The following ZMYM1 variants were observed in gnomAD, a reference collection of about 807,000 sequenced individuals.
ZMYM1 encodes zinc finger MYM-type containing 1.
ZMYM1 carries 39 observed loss-of-function variants against 60.0 expected under a neutral mutation model. That is an observed-to-expected ratio of 0.65 (90% confidence interval 0.50 to 0.85). The LOEUF (loss-of-function observed/expected upper bound fraction) is 0.85, where lower values mean the gene tolerates loss of function less well. Ranked by LOEUF, ZMYM1 falls within the 40% of genes least tolerant of loss-of-function variation. The pLI is 0.00. For missense variants in ZMYM1, 1,171 were observed against 1,309.5 expected, an observed-to-expected ratio of 0.89 and a Z score of 1.63; for synonymous variants, 413 against 454.0, an observed-to-expected ratio of 0.91 and a Z score of 1.15.
Position 35,108,354 on chromosome 1 carries a change from T to C in ZMYM1, c.808-1940T>C, listed in dbSNP as rs1326984872. On this transcript the variant is annotated intron_variant, in intron 6 of 9. Transcript: ENST00000359858. ...GTACTTTGGTGGGTTTTGTTTTGTTTTGTTTTTGTTTTTTTGAGACACAGT... is the reference window on the plus strand; with the variant it reads ...GTACTTTGGTGGGTTTTGTTTTGTTCTGTTTTTGTTTTTTTGAGACACAGT... Among the ~76,000 whole-genome samples, 3 of 152,126 alleles carry C rather than the reference T, an allele frequency of 2.0e-5. No homozygotes were observed. The East Asian group carries it at 5.8e-4, about 29-fold the overall frequency.
chr1:35,110,283 T>C lies in ZMYM1; in HGVS notation c.808-11T>C. ...ACCAGGAATATGAATATTATTTTAATCTCTAAACAGAAACCTGCCAAACCA... is the reference window on the plus strand; with the variant it reads ...ACCAGGAATATGAATATTATTTTAACCTCTAAACAGAAACCTGCCAAACCA... On this transcript the variant is annotated splice_polypyrimidine_tract_variant and intron_variant, in intron 6 of 9. Coordinates refer to ENST00000359858, the MANE Select transcript of ZMYM1 (RefSeq NM_024772.5). The C allele has an allele frequency of 6.7e-7, 1 of 1,497,756 alleles. No individual in the cohort carries two copies. Among genetic ancestry groups the C allele is most frequent in the Non-Finnish European group, 8.9e-7 (1 of 1,127,524 alleles). 92.8% of individuals were successfully genotyped at this position (1,497,756 alleles called of 1,614,324 possible).
chr1:35,118,089 A>T (rs1271552524), downstream of ZMYM1, among the ~76,000 whole-genome samples: 3 of 151,910 alleles, frequency 2.0e-5, no homozygotes, highest in Non-Finnish European at 4.4e-5. Flanking sequence ...AATACAAAAA[A>T]AATGAGCCAG....
At chr1:35,068,247 C>T (rs757271879) in intron 1 of ZMYM1, among the ~76,000 whole-genome samples, 11 of 151,572 alleles carry the variant, frequency 7.3e-5, no homozygotes, top group South Asian at 2.1e-4. Flanking sequence ...GGCAAAACTC[C>T]GTCTCTACTA....
At chr1:35,086,889 TG>T (rs1285603682) in intron 1 of ZMYM1, among the ~76,000 whole-genome samples, 1 of 151,638 alleles carries the variant, frequency 6.6e-6, no homozygotes, top group African/African-American at 2.4e-5. Context: ...TTCACCATCT[TG>T]GCCAGGCTGA....
rs375866494 is a variant in ZMYM1 at position 35,068,002 on chromosome 1, G to T, written c.-301+8077G>T. Reference sequence around the variant, plus strand: ...AGGGTCTCGCTATTTTGCTAGGCTGGTCTTGGACTCATGGTCTCAAGTGAT... The same window carrying T: ...AGGGTCTCGCTATTTTGCTAGGCTGTTCTTGGACTCATGGTCTCAAGTGAT... On this transcript the variant is annotated intron_variant, in intron 1 of 10. Coordinates refer to the ZMYM1 transcript ENST00000417119. 9.5e-4 allele frequency among the ~76,000 whole-genome samples: 145 copies of T among 152,142 alleles called. 2 individuals are homozygous for T. In the South Asian group the frequency reaches 0.022, roughly 24 times the overall value.
intron 1 of ZMYM1, among the ~76,000 whole-genome samples, chr1:35,085,973 AC>A (rs1191458240): frequency 6.6e-6 from 1 of 152,206 alleles, no homozygotes; most frequent in Non-Finnish European, 1.5e-5. Flanking sequence ...TGACAAATAC[AC>A]CTTTGTAATG....
At chr1:35,079,665 G>C (rs189321729) in intron 1 of ZMYM1, among the ~76,000 whole-genome samples, 3 of 152,260 alleles carry the variant, frequency 2.0e-5, no homozygotes, top group Admixed American at 6.5e-5. Context: ...TCATAGACTG[G>C]GGGGGTTAGT....
At chr1:35,071,316 TTTA>T (rs1642063934) in intron 1 of ZMYM1, among the ~76,000 whole-genome samples, 1 of 119,240 alleles carries the variant, frequency 8.4e-6, no homozygotes, top group South Asian at 2.2e-4. Context: ...TTTGCTGCCA[TTTA>T]TTTATTTATT....
downstream of ZMYM1, among the ~76,000 whole-genome samples, chr1:35,117,004 C>T (rs1300480286): frequency 1.8e-4 from 27 of 150,378 alleles, no homozygotes; most frequent in Admixed American, 6.6e-4. Context: ...CCACTGTGCC[C>T]GGCTAATTTT....
In ZMYM1 at chr1:35,113,560, C is replaced by A; in HGVS notation, c.1730C>A (p.Ser577Ter). 6.2e-7 allele frequency: 1 copy of A among 1,613,486 alleles called. No individual in the cohort carries two copies. The highest frequency in any genetic ancestry group is 1.1e-5 in the South Asian group (1 of 90,886). ...QCLPLRGNDQ[S>*]VSSVNKGNFL... The stretch of plus-strand genomic sequence containing the variant: ...TTACCCTTAAGAGGAAACGACCAGT[C>A]AGTTTCATCTGTGAATAAAGGCAAT... The change falls in exon 10 of 10, where the codon TCA becomes TAA. Residue 577 changes from serine (S) to a stop codon, truncating the protein, a stop_gained. Transcript: ENST00000359858. LOFTEE classifies it high-confidence loss of function.
chr1:35,085,969 A>G (rs1642631709), intron 1 of ZMYM1, among the ~76,000 whole-genome samples: 1 of 152,184 alleles, frequency 6.6e-6, no homozygotes, highest in Non-Finnish European at 1.5e-5. Context: ...GCCGTGACAA[A>G]TACACCTTTG....
chr1:35,083,665 G>A (rs1396392943), intron 1 of ZMYM1, among the ~76,000 whole-genome samples: 1 of 152,060 alleles, frequency 6.6e-6, no homozygotes, highest in Non-Finnish European at 1.5e-5. Flanking sequence ...ACCTAGGTTG[G>A]TGTGCAGTGG....
intron 4 of ZMYM1, among the ~76,000 whole-genome samples, chr1:35,100,166 T>C (rs964674028): frequency 1.2e-4 from 18 of 152,040 alleles, no homozygotes; most frequent in African/African-American, 4.3e-4. Flanking sequence ...GCTGGGATTA[T>C]AGGTATGAGC....
intron 1 of ZMYM1, among the ~76,000 whole-genome samples, chr1:35,083,275 C>T (rs1481303844): frequency 8.6e-5 from 13 of 151,878 alleles, no homozygotes; most frequent in African/African-American, 2.4e-5. Context: ...CTCGGCCTCC[C>T]GAGTAGCTGG....
intron 1 of ZMYM1, among the ~76,000 whole-genome samples, chr1:35,072,042 G>A (rs1430015298): frequency 6.6e-6 from 1 of 152,162 alleles, no homozygotes; most frequent in African/African-American, 2.4e-5. Context: ...GCTGAGGCAG[G>A]AGAATTCCTT....
chr1:35,069,471 A>G (rs1323799228), intron 1 of ZMYM1, among the ~76,000 whole-genome samples: 1 of 152,156 alleles, frequency 6.6e-6, no homozygotes, highest in Admixed American at 6.6e-5. Context: ...ACTTCCTTAT[A>G]TATTCTGGAT....
In ZMYM1 at chr1:35,113,347, C is replaced by T; in HGVS notation, c.1517C>T (p.Thr506Ile). Residue 506 changes from threonine to isoleucine, a missense_variant, in exon 10 of 10, where the codon ACC becomes ATC. Physicochemically the swap from Thr to Ile is moderately conservative, Grantham distance 89. Coordinates refer to ENST00000359858, the MANE Select transcript of ZMYM1 (RefSeq NM_024772.5). ...CACGGAACTTCTAATTGGAAAAAAA[C>T]CCTGGAAAAATTCAGAAAGCATGAA... ...ATHGTSNWKKTLEKFRKHEKS... is the reference protein window; with the variant it reads ...ATHGTSNWKKILEKFRKHEKS... 6.2e-7 allele frequency: 1 copy of T among 1,612,808 alleles called. No homozygotes were observed. Among genetic ancestry groups the T allele is most frequent in the Non-Finnish European group, 8.5e-7 (1 of 1,179,702 alleles).
chr1:35,075,191 A>G (rs542910068), upstream of ZMYM1, among the ~76,000 whole-genome samples: 3 of 152,270 alleles, frequency 2.0e-5, no homozygotes, highest in East Asian at 3.9e-4. Context: ...TTTATCTGAT[A>G]TAAGTGTGGC....
At position 35,088,454 on chromosome 1, in the gene ZMYM1, ATGTGTGTGTGTG is replaced by A. The variant is rs764350525; in HGVS notation, c.-74-5424_-74-5413del. Among the ~76,000 whole-genome samples, 159 of 107,238 alleles carry A rather than the reference ATGTGTGTGTGTG, an allele frequency of 1.5e-3. 1 individual carries two copies. The highest frequency in any genetic ancestry group is 5.7e-3 in the African/African-American group (135 of 23,492). The allele number at this position is 107,238 out of a possible 152,430, so 70.4% of individuals were successfully genotyped here. ...TATGTGTATATATATATATATATAT[ATGTGTGTGTGTG>A]TGTGTGTGTGTGTGTGTGTGTGTGT... On this transcript the variant is annotated intron_variant, in intron 1 of 9. Transcript: ENST00000359858.
Sources: allele counts gnomAD v4.1 joint callset (sites outside exome capture counted in the v4.1 genomes callset), GRCh38; gene constraint gnomAD v4.1.1; transcripts MANE v1.5; gene names NCBI Gene and HGNC (gene_info 2026-07-23, HGNC 2026-07-21).